PDK1: variants seen among roughly 807,000 people sequenced by gnomAD.
PDK1 encodes [Pyruvate dehydrogenase (acetyl-transferring)] kinase isozyme 1, mitochondrial.
Under a neutral mutation model 54.2 loss-of-function variants are expected in PDK1, and 39 were observed. The observed-to-expected ratio is 0.72, with a 90% confidence interval of 0.56 to 0.94. The LOEUF is 0.94. PDK1 is among the 40% of genes least tolerant of loss of function. The probability of loss-of-function intolerance (pLI) is 0.00; values close to 1 mark genes in which losing one functional copy is unlikely to be tolerated. For missense variants in PDK1, 552 were observed against 566.0 expected (o/e 0.98, Z 0.25); for synonymous variants, 221 against 207.1 (o/e 1.07, Z -0.58).
chr2:172,569,426 A>G (rs1036052081), intron 7 of PDK1, among the ~76,000 whole-genome samples: 3 of 152,130 alleles, frequency 2.0e-5, no homozygotes, highest in Admixed American at 6.6e-5. Flanking sequence ...TTCCCCGCCA[A>G]TAATACTTGC....
chr2:172,671,724 A>G, the PDK1 span, among the ~76,000 whole-genome samples: 1 of 152,144 alleles, frequency 6.6e-6, no homozygotes, highest in African/African-American at 2.4e-5. Context: ...ATCTCTTTTT[A>G]TCTGTGTGTC....
At chr2:172,623,438 GT>G in the PDK1 span, among the ~76,000 whole-genome samples, 1 of 152,146 alleles carries the variant, frequency 6.6e-6, no homozygotes, top group African/African-American at 2.4e-5. Flanking sequence ...AATGTTTTAT[GT>G]TTTACAGAAA....
chr2:172,557,524 T>C (rs925635197), intron 1 of PDK1, among the ~76,000 whole-genome samples: 7 of 152,030 alleles, frequency 4.6e-5, no homozygotes, highest in African/African-American at 1.7e-4. Context: ...GACAATTGAA[T>C]AGGACCTACT....
the PDK1 span, among the ~76,000 whole-genome samples, chr2:172,643,739 T>C: frequency 0.053 from 8,025 of 152,250 alleles, 405 homozygotes; most frequent in East Asian, 0.22. Context: ...GGGACAGGCC[T>C]CTGGTTAAGG....
At chr2:172,701,669 A>C in the PDK1 span, among the ~76,000 whole-genome samples, 1 of 136,118 alleles carries the variant, frequency 7.3e-6, no homozygotes, top group Non-Finnish European at 1.6e-5. Context: ...TTTTTGGAAC[A>C]TGAGGGTTCT....
chr2:172,703,427 AT>A, the PDK1 span, among the ~76,000 whole-genome samples: 3 of 152,170 alleles, frequency 2.0e-5, no homozygotes, highest in Non-Finnish European at 4.4e-5. Context: ...CATCAAAGCC[AT>A]TTTTATATCA....
intron 8 of PDK1, among the ~76,000 whole-genome samples, chr2:172,578,698 C>T (rs1488516652): frequency 6.6e-6 from 1 of 150,430 alleles, no homozygotes; most frequent in Non-Finnish European, 1.5e-5. Context: ...AGATCAGATA[C>T]TGCTGTCTCC....
chr2:172,678,409 G>T, the PDK1 span, among the ~76,000 whole-genome samples: 1 of 152,070 alleles, frequency 6.6e-6, no homozygotes, highest in African/African-American at 2.4e-5. Flanking sequence ...AGTTGGAAGT[G>T]GCAGTCTCTA....
chr2:172,618,182 T>C, the PDK1 span, among the ~76,000 whole-genome samples: 1 of 152,210 alleles, frequency 6.6e-6, no homozygotes, highest in Non-Finnish European at 1.5e-5. Flanking sequence ...GATGGTAGAC[T>C]ATGTAGGTAG....
downstream of PDK1, among the ~76,000 whole-genome samples, chr2:172,612,935 C>T (rs1036069370): frequency 2.6e-5 from 4 of 152,310 alleles, no homozygotes; most frequent in Admixed American, 1.3e-4. Context: ...GCTGGGATTA[C>T]GGGCATGAGC....
chr2:172,686,228 A>G, the PDK1 span, among the ~76,000 whole-genome samples: 12 of 152,306 alleles, frequency 7.9e-5, no homozygotes, highest in African/African-American at 2.2e-4. Flanking sequence ...AGCCATAGAG[A>G]TACACTGCTA....
intron 9 of PDK1, among the ~76,000 whole-genome samples, chr2:172,588,066 G>A (rs1690361435): frequency 1.3e-5 from 2 of 152,224 alleles, no homozygotes; most frequent in South Asian, 4.1e-4. Flanking sequence ...TAGCACAAAT[G>A]CTATGGCTGC....
downstream of PDK1, among the ~76,000 whole-genome samples, chr2:172,610,070 C>T (rs1691415433): frequency 6.6e-6 from 1 of 152,178 alleles, no homozygotes; most frequent in Non-Finnish European, 1.5e-5. Flanking sequence ...GATCTGCCTG[C>T]CTCAGCCTCC....
chr2:172,593,594 G>GT (rs1284830951), intron 10 of PDK1, among the ~76,000 whole-genome samples: 2 of 152,122 alleles, frequency 1.3e-5, no homozygotes, highest in African/African-American at 4.8e-5. Flanking sequence ...ATTCATCTTA[G>GT]TTTTCAAGGA....
At chr2:172,579,678 TA>T (rs1328369975) in intron 8 of PDK1, among the ~76,000 whole-genome samples, 4 of 151,794 alleles carry the variant, frequency 2.6e-5, no homozygotes, top group Non-Finnish European at 5.9e-5. Flanking sequence ...TTTAGGTGTC[TA>T]CTTTTGTTTA....
chr2:172,616,416 T>C, the PDK1 span, among the ~76,000 whole-genome samples: 1 of 152,138 alleles, frequency 6.6e-6, no homozygotes, highest in South Asian at 2.1e-4. Context: ...AGGAACACAA[T>C]TTTGAGTGGA....
chr2:172,690,212 A>C, the PDK1 span, among the ~76,000 whole-genome samples: 1 of 150,580 alleles, frequency 6.6e-6, no homozygotes, highest in South Asian at 2.1e-4. Context: ...ACACTTCTCA[A>C]AAGAAGACAT....
intron 2 of PDK1, among the ~76,000 whole-genome samples, chr2:172,559,529 T>C (rs1024867518): frequency 2.6e-5 from 4 of 152,172 alleles, no homozygotes; most frequent in African/African-American, 9.7e-5. Context: ...CTCTCCATTT[T>C]ATTCATTGTT....
At chr2:172,719,628 AAT>A in the PDK1 span, among the ~76,000 whole-genome samples, 4 of 152,066 alleles carry the variant, frequency 2.6e-5, no homozygotes, top group Admixed American at 6.6e-5. Context: ...TCCAGTTTCC[AAT>A]ATATGTTTAT....
Sources: allele counts gnomAD v4.1 joint callset (sites outside exome capture counted in the v4.1 genomes callset), GRCh38; gene constraint gnomAD v4.1.1; transcripts MANE v1.5; gene names NCBI Gene and HGNC (gene_info 2026-07-23, HGNC 2026-07-21).